GABPB1: variants seen among roughly 807,000 people sequenced by gnomAD.
The protein encoded by GABPB1 is GA binding protein transcription factor subunit beta 1, also known as GA-binding protein subunit beta-1.
A neutral mutation model predicts 45.9 loss-of-function variants in GABPB1; 15 were observed. The ratio of observed to expected loss-of-function variants is 0.33; its 90% CI spans 0.22 to 0.50. GABPB1 has a LOEUF of 0.50. GABPB1 is among the 20% of genes least tolerant of loss of function. The pLI is 0.98. For missense variants in GABPB1, 252 were observed against 457.5 expected (o/e 0.55, Z 4.10); for synonymous variants, 143 against 154.4 (o/e 0.93, Z 0.55).
Position 50,304,146 on chromosome 15 carries a change from A to AG in GABPB1, c.109-14_109-13insC. On this transcript the variant is annotated splice_polypyrimidine_tract_variant and intron_variant, in intron 2 of 8. Transcript: ENST00000380877. ...GAGAAGTTCCCAGCTGTACCACAGA[A>AG]AAAAAAAAAAATCCACATTTACATT... 3 of 1,477,126 alleles carry AG rather than the reference A, an allele frequency of 2.0e-6. No homozygotes were observed. Among genetic ancestry groups the AG allele is most frequent in the Non-Finnish European group, 2.7e-6 (3 of 1,107,554 alleles). 91.5% of individuals were successfully genotyped at this position (1,477,126 alleles called of 1,614,324 possible). A position where few individuals can be genotyped will look rare whatever the true frequency, so the allele number is the denominator to read the frequency against.
chr15:50,320,576 T>G (rs2047531612), intron 1 of GABPB1, among the ~76,000 whole-genome samples: 1 of 152,206 alleles, frequency 6.6e-6, no homozygotes, highest in Non-Finnish European at 1.5e-5. Context: ...CCCCCAAAGA[T>G]GTCTAGATAC....
intron 6 of GABPB1, among the ~76,000 whole-genome samples, chr15:50,292,968 G>A (rs1284893907): frequency 1.4e-5 from 2 of 147,890 alleles, no homozygotes; most frequent in Non-Finnish European, 2.9e-5. Context: ...CAATTTTTCT[G>A]TGGGTTTGAA....
intron 8 of GABPB1, chr15:50,282,527 CT>C (rs1201674228): frequency 6.8e-6 from 1 of 146,726 alleles, no homozygotes; most frequent in Non-Finnish European, 1.4e-5. Context: ...GCACTTCTGC[CT>C]GGGTGACAAA....
chr15:50,332,709 T>C (rs2047987673), intron 1 of GABPB1, among the ~76,000 whole-genome samples: 1 of 152,132 alleles, frequency 6.6e-6, no homozygotes, highest in African/African-American at 2.4e-5. Flanking sequence ...TAAGGATTCA[T>C]TATACTCTTC....
chr15:50,297,186 C>T (rs1266771066), intron 6 of GABPB1, among the ~76,000 whole-genome samples: 3 of 150,442 alleles, frequency 2.0e-5, no homozygotes, highest in African/African-American at 7.3e-5. Context: ...GCTGGGATTA[C>T]AGGTGTGAGC....
intron 1 of GABPB1, among the ~76,000 whole-genome samples, chr15:50,323,124 T>C (rs571301560): frequency 3.3e-5 from 5 of 152,142 alleles, no homozygotes; most frequent in Admixed American, 6.6e-5. Flanking sequence ...CAGTACCAGC[T>C]ACTTGGGAGG....
At chr15:50,345,710 A>C (rs2048544821) in intron 1 of GABPB1, among the ~76,000 whole-genome samples, 1 of 150,696 alleles carries the variant, frequency 6.6e-6, no homozygotes, top group African/African-American at 2.4e-5. Flanking sequence ...ATGTCTGTAC[A>C]TTTTTTTTTG....
chr15:50,289,717 T>G, intron 6 of GABPB1, 49 bp from the exon 7 acceptor site: 1 of 1,422,286 alleles, frequency 7.0e-7, no homozygotes, highest in Non-Finnish European at 9.5e-7. Context: ...ACGGTATGAA[T>G]AGAAACCTAT....
intron 4 of GABPB1, 60 bp downstream of exon 4, chr15:50,302,869 A>C: frequency 1.8e-6 from 2 of 1,092,672 alleles, no homozygotes; most frequent in Non-Finnish European, 1.3e-6. Context: ...AATATAAGAG[A>C]TCCCTCTACT....
rs180875265 is a variant in GABPB1, at chr15:50,281,033, G to C, written c.1000-2249C>G. 2.1e-3 allele frequency among the ~76,000 whole-genome samples: 322 copies of C among 152,282 alleles called. 2 individuals are homozygous for C. Among genetic ancestry groups the C allele is most frequent in the African/African-American group, 7.3e-3 (304 of 41,556 alleles). On this transcript the variant is annotated intron_variant, in intron 8 of 8. Transcript: ENST00000380877. ...TCCATACTGCATATTTTAACTTCAA[G>C]AAGTACAATTTATCTTGATAAAAAT...
At chr15:50,297,439 C>T (rs1008665643) in intron 6 of GABPB1, among the ~76,000 whole-genome samples, 3 of 152,178 alleles carry the variant, frequency 2.0e-5, no homozygotes, top group Non-Finnish European at 4.4e-5. Flanking sequence ...TGGTCTTGAA[C>T]TCCTGACCTC....
chr15:50,281,297 C>T (rs910451303), intron 8 of GABPB1, among the ~76,000 whole-genome samples: 1 of 152,168 alleles, frequency 6.6e-6, no homozygotes, highest in Non-Finnish European at 1.5e-5. Flanking sequence ...CTGCAACCTC[C>T]ACCTCCCGGA....
At chr15:50,286,396 T>C (rs1006746564) in intron 7 of GABPB1, among the ~76,000 whole-genome samples, 1 of 152,070 alleles carries the variant, frequency 6.6e-6, no homozygotes, top group Non-Finnish European at 1.5e-5. Flanking sequence ...TTAAAGTACC[T>C]ACAAATATTT....
chr15:50,301,564 T>C (rs533060233), intron 4 of GABPB1, among the ~76,000 whole-genome samples, 196 bp from the exon 5 acceptor site: 4 of 152,292 alleles, frequency 2.6e-5, no homozygotes, highest in Admixed American at 2.6e-4. Context: ...AGTCCCCCTC[T>C]TAGGTAAAGC....
At position 50,340,897 on chromosome 15, in the gene GABPB1, ATGGTT is replaced by A. The variant is rs1567545842; in HGVS notation, c.-1+14083_-1+14087del. Among the ~76,000 whole-genome samples, 4 of 100,314 alleles carry A rather than the reference ATGGTT, an allele frequency of 4.0e-5. 2 individuals are homozygous for A. Among genetic ancestry groups the A allele is most frequent in the African/African-American group, 2.0e-4 (4 of 20,338 alleles). The allele number at this position is 100,314 out of a possible 152,430, so 65.8% of individuals were successfully genotyped here. A position where few individuals can be genotyped will look rare whatever the true frequency, so the allele number is the denominator to read the frequency against. On this transcript the variant is annotated intron_variant, in intron 1 of 8. Coordinates refer to ENST00000380877, the MANE Select transcript of GABPB1 (RefSeq NM_016654.5). The stretch of plus-strand genomic sequence containing the variant: ...CCATATGTAATATTACATATTACAT[ATGGTT>A]TATTACCATATGTAATATTACATAT...
In GABPB1 at chr15:50,290,283, T is replaced by C. The variant is rs543527727; in HGVS notation, c.698-615A>G. ...ATCTAATATCATGACAAAGGTTATATCTGTTTCGTAAAACCTCACAATTCA... is the reference window on the plus strand; with the variant it reads ...ATCTAATATCATGACAAAGGTTATACCTGTTTCGTAAAACCTCACAATTCA... On this transcript the variant is annotated intron_variant, in intron 6 of 8. Coordinates refer to ENST00000380877, the MANE Select transcript of GABPB1 (RefSeq NM_016654.5). Among the ~76,000 whole-genome samples the C allele has an allele frequency of 1.5e-4, 23 of 152,282 alleles. No homozygotes were observed. In the South Asian group the frequency reaches 4.8e-3, roughly 32 times the overall value.
chr15:50,300,901 A>C lies in GABPB1; in HGVS notation c.585T>G (p.Asp195Glu). The C allele has an allele frequency of 1.3e-6, 2 of 1,563,694 alleles. No individual in the cohort carries two copies. The highest frequency in any genetic ancestry group is 1.8e-6 in the Non-Finnish European group (2 of 1,135,662). The change falls in exon 6 of 9, where the codon GAT becomes GAG. Residue 195 changes from aspartate to glutamate, a missense_variant and splice_region_variant. Transcript: ENST00000380877. ...IGPGGVVNLTDETGVSAVQFG... is the reference protein window; with the variant it reads ...IGPGGVVNLTEETGVSAVQFG... ...ACTGAACAGCAGATACACCCGTTTC[A>C]TCTGTAAGAAAAAAGAAAATAGATT...
At chr15:50,330,106 G>A (rs1335404052) in intron 1 of GABPB1, among the ~76,000 whole-genome samples, 1 of 151,718 alleles carries the variant, frequency 6.6e-6, no homozygotes, top group Non-Finnish European at 1.5e-5. Flanking sequence ...GTTTTGACAT[G>A]TTGCCCAGGC....
chr15:50,332,747 A>G (rs1392861064), intron 1 of GABPB1, among the ~76,000 whole-genome samples: 1 of 152,092 alleles, frequency 6.6e-6, no homozygotes, highest in Non-Finnish European at 1.5e-5. Context: ...ATTTTCCATA[A>G]GAGGTTTTTT....
Sources: gnomAD v4.1 joint callset for allele counts (sites outside exome capture counted in the v4.1 genomes callset) on GRCh38, gnomAD v4.1.1 for gene constraint, MANE v1.5 for transcripts, NCBI Gene and HGNC (gene_info 2026-07-23, HGNC 2026-07-21) for gene names.